The following HS3ST4 variants were observed in gnomAD, a reference collection of about 807,000 sequenced individuals.
The protein encoded by HS3ST4 is heparan sulfate-glucosamine 3-sulfotransferase 4.
Under a neutral mutation model 29.2 loss-of-function variants are expected in HS3ST4, and 17 were observed. The ratio of observed to expected loss-of-function variants is 0.58; its 90% CI spans 0.40 to 0.87. The LOEUF is 0.87. HS3ST4 is among the 40% of genes least tolerant of loss of function. HS3ST4 has a pLI of 0.00. For synonymous variants in HS3ST4, 314 were observed against 285.7 expected (o/e 1.10, Z -1.00); for missense variants, 627 against 634.5 (o/e 0.99, Z 0.13).
rs138570200 is a variant in HS3ST4 at position 26,127,828 on chromosome 16, A to T, written c.735-7784A>T. ...CCTAAACCTTCTCATCCTAAAACATATGTACCTGCCTGGCACAAACTTTAA... is the reference window on the plus strand; with the variant it reads ...CCTAAACCTTCTCATCCTAAAACATTTGTACCTGCCTGGCACAAACTTTAA... On this transcript the variant is annotated intron_variant, in intron 1 of 1. Coordinates refer to ENST00000331351, the MANE Select transcript of HS3ST4 (RefSeq NM_006040.3). Among the ~76,000 whole-genome samples the T allele has an allele frequency of 4.8e-3, 730 of 152,318 alleles. 5 individuals carry two copies. The highest frequency in any genetic ancestry group is 8.1e-3 in the Non-Finnish European group (549 of 68,028).
In HS3ST4 at chr16:25,724,304, C is replaced by T. The variant is rs575478090; in HGVS notation, c.734+31153C>T. Among the ~76,000 whole-genome samples the T allele has an allele frequency of 5.3e-5, 8 of 151,806 alleles. No individual in the cohort carries two copies. The South Asian group carries it at 1.0e-3, about 20-fold the overall frequency. On this transcript the variant is annotated intron_variant, in intron 1 of 1. Coordinates refer to ENST00000331351, the MANE Select transcript of HS3ST4 (RefSeq NM_006040.3). The stretch of plus-strand genomic sequence containing the variant: ...TCAGCAGATACCTGCCACACTGGGG[C>T]GAAACAGAAGTTTAAATAAAGTCAC...
At chr16:25,714,405 C>A (rs1003956862) in intron 1 of HS3ST4, among the ~76,000 whole-genome samples, 5 of 152,164 alleles carry the variant, frequency 3.3e-5, no homozygotes, top group Non-Finnish European at 7.3e-5. Context: ...CCAGAGTGAA[C>A]ACGGCTGCTG....
rs1222099344 is a variant in HS3ST4 at position 25,692,931 on chromosome 16, G to A, written c.514G>A (p.Ala172Thr). The change falls in exon 1 of 2, where the codon GCA becomes ACA. Residue 172 changes from alanine to threonine, a missense_variant. Ala to Thr is a moderately conservative substitution (Grantham distance 58, BLOSUM62 0). Transcript: ENST00000331351. ...QESSTTDEDL[A>T]GRRAANGSSE... ...GTCCAGCACCACCGACGAGGATCTC[G>A]CAGGCCGGAGAGCGGCCAACGGGAG... 7 of 1,606,050 alleles carry A rather than the reference G, an allele frequency of 4.4e-6. No individual in the cohort carries two copies. The highest frequency in any genetic ancestry group is 5.9e-6 in the Non-Finnish European group (7 of 1,177,088).
In HS3ST4 at chr16:25,931,176, C is replaced by T. The variant is rs1968459517; in HGVS notation, c.735-204436C>T. On this transcript the variant is annotated intron_variant, in intron 1 of 1. Transcript: ENST00000331351. ...GCGTACCTTTCAATGGAATTGTTTC[C>T]CCAACAAGCTGCCTTTGGGAAGCAG... Among the ~76,000 whole-genome samples the T allele has an allele frequency of 3.3e-5, 5 of 152,302 alleles. 1 individual carries two copies. The South Asian group carries it at 1.0e-3, about 32-fold the overall frequency.
chr16:25,712,523 T>C (rs1555462355), intron 1 of HS3ST4, among the ~76,000 whole-genome samples: 2 of 151,646 alleles, frequency 1.3e-5, no homozygotes, highest in East Asian at 1.9e-4. Flanking sequence ...CCTGTATCTA[T>C]AAAAAAATAA....
chr16:26,062,416 T>C (rs893775183), intron 1 of HS3ST4, among the ~76,000 whole-genome samples: 1 of 152,198 alleles, frequency 6.6e-6, no homozygotes, highest in Non-Finnish European at 1.5e-5. Context: ...CCTGTTCTTC[T>C]CATCTAGATT....
chr16:25,907,717 C>A (rs1195406863), intron 1 of HS3ST4, among the ~76,000 whole-genome samples: 1 of 152,306 alleles, frequency 6.6e-6, no homozygotes, highest in East Asian at 1.9e-4. Flanking sequence ...AAAACACACA[C>A]ACAGTGCACA....
At chr16:25,733,942 C>G (rs1442984255) in intron 1 of HS3ST4, among the ~76,000 whole-genome samples, 1 of 152,132 alleles carries the variant, frequency 6.6e-6, no homozygotes, top group Non-Finnish European at 1.5e-5. Context: ...TATGATGAAA[C>G]CCTGTCTCTA....
chr16:25,845,593 T>C (rs1230849425), intron 1 of HS3ST4, among the ~76,000 whole-genome samples: 1 of 151,578 alleles, frequency 6.6e-6, no homozygotes, highest in Non-Finnish European at 1.5e-5. Context: ...GATTAATTGG[T>C]GCCGAAAAAT....
intron 1 of HS3ST4, among the ~76,000 whole-genome samples, chr16:25,965,063 T>C (rs548281692): frequency 2.6e-5 from 4 of 152,224 alleles, no homozygotes; most frequent in Admixed American, 2.0e-4. Context: ...CGCGAGACAT[T>C]GTAACAGATA....
At chr16:25,770,697 T>C (rs1966840749) in intron 1 of HS3ST4, among the ~76,000 whole-genome samples, 1 of 152,188 alleles carries the variant, frequency 6.6e-6, no homozygotes, top group Non-Finnish European at 1.5e-5. Flanking sequence ...TTTTTGTACA[T>C]ATATTGATGC....
At chr16:26,093,724 C>A (rs1898886475) in intron 1 of HS3ST4, among the ~76,000 whole-genome samples, 1 of 152,186 alleles carries the variant, frequency 6.6e-6, no homozygotes, top group Admixed American at 6.5e-5. Flanking sequence ...GATCGCAGCT[C>A]CTTGCCAGCA....
intron 1 of HS3ST4, among the ~76,000 whole-genome samples, chr16:26,084,415 T>C (rs1650125532): frequency 6.6e-6 from 1 of 152,226 alleles, no homozygotes; most frequent in South Asian, 2.1e-4. Context: ...ATTGGCTTTC[T>C]CCAGCCCTTC....
intron 1 of HS3ST4, among the ~76,000 whole-genome samples, chr16:25,757,006 T>C (rs1966762278): frequency 6.6e-6 from 1 of 152,166 alleles, no homozygotes; most frequent in Non-Finnish European, 1.5e-5. Flanking sequence ...TAGCCATGTG[T>C]CTCCTAGCTT....
intron 1 of HS3ST4, among the ~76,000 whole-genome samples, chr16:26,091,610 G>A (rs146279830): frequency 6.6e-6 from 1 of 152,258 alleles, no homozygotes; most frequent in African/African-American, 2.4e-5. Context: ...GTAAACTGAA[G>A]TAAAGTGCAA....
At chr16:25,971,301 T>C (rs1968894708) in intron 1 of HS3ST4, among the ~76,000 whole-genome samples, 1 of 152,210 alleles carries the variant, frequency 6.6e-6, no homozygotes, top group African/African-American at 2.4e-5. Context: ...AGGTGATGTA[T>C]CTGATGGAAG....
chr16:26,077,741 G>A (rs949801051), intron 1 of HS3ST4, among the ~76,000 whole-genome samples: 1 of 152,192 alleles, frequency 6.6e-6, no homozygotes, highest in African/African-American at 2.4e-5. Context: ...ATGATTAAAG[G>A]GATGTTTATC....
chr16:25,994,327 T>C (rs1051805089), intron 1 of HS3ST4, among the ~76,000 whole-genome samples: 2 of 152,194 alleles, frequency 1.3e-5, no homozygotes, highest in Non-Finnish European at 2.9e-5. Flanking sequence ...TAGTCTTGTT[T>C]GGTATTTTTA....
Position 25,952,114 on chromosome 16 carries a change from C to T in HS3ST4, c.735-183498C>T, listed in dbSNP as rs553291766. 2.0e-5 allele frequency among the ~76,000 whole-genome samples: 3 copies of T among 152,264 alleles called. No individual in the cohort carries two copies. The South Asian group carries it at 6.2e-4, about 32-fold the overall frequency. ...TCATGCCCAACTGTTTATGTAGTGT[C>T]TATGGCTGCATTTGAGCCACAGTGA... On this transcript the variant is annotated intron_variant, in intron 1 of 1. Coordinates refer to ENST00000331351, the MANE Select transcript of HS3ST4 (RefSeq NM_006040.3).
Sources: gnomAD v4.1 joint callset for allele counts (sites outside exome capture counted in the v4.1 genomes callset) on GRCh38, gnomAD v4.1.1 for gene constraint, MANE v1.5 for transcripts, NCBI Gene and HGNC (gene_info 2026-07-23, HGNC 2026-07-21) for gene names.